The following FYB1 variants were observed in gnomAD, a reference collection of about 807,000 sequenced individuals.
FYB1 encodes FYN binding protein 1.
FYB1 carries 41 observed loss-of-function variants against 94.1 expected under a neutral mutation model. The ratio of observed to expected loss-of-function variants is 0.44; its 90% CI spans 0.34 to 0.57. FYB1 has a LOEUF of 0.57. Ranked by LOEUF, FYB1 falls within the 20% of genes least tolerant of loss-of-function variation. The pLI, the probability that FYB1 is intolerant of heterozygous loss-of-function variation, is 0.02. For synonymous variants in FYB1, 367 were observed against 353.2 expected, an observed-to-expected ratio of 1.04 and a Z score of -0.44; for missense variants, 1,050 against 976.8, an observed-to-expected ratio of 1.07 and a Z score of -1.00.
At chr5:39,174,940 G>T (rs1745580161) in intron 2 of FYB1, among the ~76,000 whole-genome samples, 1 of 152,198 alleles carries the variant, frequency 6.6e-6, no homozygotes, top group Non-Finnish European at 1.5e-5. Context: ...TTCTCCCATA[G>T]AGAAACCAGT....
intron 1 of FYB1, among the ~76,000 whole-genome samples, chr5:39,208,478 T>A (rs756883065): frequency 1.2e-4 from 19 of 152,232 alleles, no homozygotes; most frequent in Admixed American, 5.2e-4. Context: ...TTAGTTATGT[T>A]GAGATAAAGT....
intron 2 of FYB1, among the ~76,000 whole-genome samples, chr5:39,185,239 ACT>A (rs1192622514): frequency 6.6e-6 from 1 of 151,424 alleles, no homozygotes; most frequent in African/African-American, 2.4e-5. Flanking sequence ...CCATGTGCAC[ACT>A]CTTCATTGTT....
intron 1 of FYB1, among the ~76,000 whole-genome samples, chr5:39,234,490 C>T (rs1244220970): frequency 6.6e-6 from 1 of 152,138 alleles, no homozygotes; most frequent in African/African-American, 2.4e-5. Flanking sequence ...GTGGCAATTC[C>T]TCAAGGATCT....
At chr5:39,237,604 T>C (rs1751025601) in intron 1 of FYB1, among the ~76,000 whole-genome samples, 1 of 152,086 alleles carries the variant, frequency 6.6e-6, no homozygotes, top group African/African-American at 2.4e-5. Context: ...AGTGCCAGAC[T>C]GGATATAAGG....
chr5:39,175,604 C>T (rs980249048), intron 2 of FYB1, among the ~76,000 whole-genome samples: 11 of 152,136 alleles, frequency 7.2e-5, no homozygotes, highest in South Asian at 2.1e-4. Context: ...CCTTTTCATG[C>T]GGGTACATGC....
chr5:39,227,751 T>C (rs544449251), intron 1 of FYB1, among the ~76,000 whole-genome samples: 1 of 152,306 alleles, frequency 6.6e-6, no homozygotes, highest in East Asian at 1.9e-4. Context: ...CTGAATCCAG[T>C]AGGCCTTTGG....
intron 2 of FYB1, among the ~76,000 whole-genome samples, chr5:39,187,864 G>T (rs1746984734): frequency 6.6e-6 from 1 of 151,518 alleles, no homozygotes; most frequent in Admixed American, 6.6e-5. Context: ...TTAATGAATA[G>T]TAATTATATG....
intron 16 of FYB1, among the ~76,000 whole-genome samples, chr5:39,115,864 C>T (rs895634376): frequency 3.9e-5 from 6 of 152,168 alleles, no homozygotes; most frequent in African/African-American, 7.2e-5. Flanking sequence ...CCCTTACACC[C>T]GCATCCTTAC....
At chr5:39,205,305 T>G (rs1385693916) in intron 1 of FYB1, among the ~76,000 whole-genome samples, 1 of 152,204 alleles carries the variant, frequency 6.6e-6, no homozygotes. Flanking sequence ...CTATGTAACC[T>G]TGGACAAAAG....
intron 1 of FYB1, among the ~76,000 whole-genome samples, chr5:39,213,635 G>A (rs905441677): frequency 5.9e-5 from 9 of 152,122 alleles, no homozygotes; most frequent in African/African-American, 1.9e-4. Context: ...AAACAATTCC[G>A]TTTGTTTGAA....
In FYB1 at chr5:39,202,626, G is replaced by C. The variant is rs756769595; in HGVS notation, c.335C>G (p.Pro112Arg). ...DPEAKVGFLK[P>R]VGPKPINLPK... is the part of the protein sequence containing the mutation. ...CAAGTTGATGGGCTTGGGGCCTACAGGTTTCAGAAATCCCACTTTCGCCTC... is the reference window on the plus strand; with the variant it reads ...CAAGTTGATGGGCTTGGGGCCTACACGTTTCAGAAATCCCACTTTCGCCTC... The change falls in exon 2 of 19, where the codon CCT (proline) becomes CGT (arginine). Residue 112 changes from proline to arginine, a missense_variant. Transcript: ENST00000512982. The C allele has an allele frequency of 1.9e-6, 3 of 1,613,870 alleles. No homozygotes were observed. The highest frequency in any genetic ancestry group is 2.5e-6 in the Non-Finnish European group (3 of 1,179,880).
At chr5:39,194,296 G>A (rs1295406404) in intron 2 of FYB1, among the ~76,000 whole-genome samples, 1 of 152,166 alleles carries the variant, frequency 6.6e-6, no homozygotes, top group Non-Finnish European at 1.5e-5. Context: ...TGAGGCAGGA[G>A]GATTGTTTGA....
In FYB1 at chr5:39,108,279, A is replaced by AG; in HGVS notation, c.2436-18_2436-17insC. The AG allele has an allele frequency of 6.6e-7, 1 of 1,518,562 alleles. No homozygotes were observed. The highest frequency in any genetic ancestry group is 2.5e-5 in the East Asian group (1 of 40,374). 94.1% of individuals were successfully genotyped at this position (1,518,562 alleles called of 1,614,324 possible). ...TCTCCATCACTGTAAATGTAAAAAA[A>AG]AATTTTTATTTTAAAGAAACTATGT... is the stretch of plus-strand genomic sequence containing the variant. On this transcript the variant is annotated splice_polypyrimidine_tract_variant and intron_variant, in intron 17 of 18. Coordinates refer to ENST00000512982, the MANE Select transcript of FYB1 (RefSeq NM_001465.6).
Position 39,118,953 on chromosome 5 carries a change from C to G in FYB1, c.2322G>C (p.Gln774His). The change falls in exon 16 of 19, where the codon CAG (glutamine) becomes CAC (histidine). Residue 774 changes from glutamine to histidine, a missense_variant. Coordinates refer to ENST00000512982, the MANE Select transcript of FYB1 (RefSeq NM_001465.6). The part of the protein sequence containing the change: ...TSKKWGTRDL[Q>H]VKPGESLEVI... ...CTTCTAGAGATTCACCAGGTTTTAC[C>G]TGTAGATCTCTGGTTCCCCACTTTT... The G allele has an allele frequency of 6.4e-7, 1 of 1,570,234 alleles. No individual in the cohort carries two copies. The highest frequency in any genetic ancestry group is 1.7e-5 in the Admixed American group (1 of 57,538).
rs776134568 is a variant in FYB1, at chr5:39,202,750, CAGA to C, written c.208_210del (p.Ser70del). 2 of 1,613,912 alleles carry C rather than the reference CAGA, an allele frequency of 1.2e-6. No individual in the cohort carries two copies. Among genetic ancestry groups the C allele is most frequent in the South Asian group, 2.2e-5 (2 of 91,068 alleles). On this transcript the variant is annotated inframe_deletion, in exon 2 of 19. Coordinates refer to ENST00000512982, the MANE Select transcript of FYB1 (RefSeq NM_001465.6). ...TTGGGTTCCTTGTCAGGCTTTTCCT[CAGA>C]AGAAGGTTTGACTGCCACAGGTGGC...
intron 2 of FYB1, among the ~76,000 whole-genome samples, chr5:39,185,533 T>A (rs867204554): frequency 0.013 from 1,893 of 140,676 alleles, 37 homozygotes; most frequent in African/African-American, 0.039. Flanking sequence ...AAAATATATA[T>A]ATATATATGA....
chr5:39,148,120 C>T (rs1462165006), intron 3 of FYB1, among the ~76,000 whole-genome samples: 1 of 138,136 alleles, frequency 7.2e-6, no homozygotes, highest in Non-Finnish European at 1.5e-5. Flanking sequence ...TCCCTTTCTC[C>T]ACCCTTATCA....
At chr5:39,215,236 T>C (rs927104848) in intron 1 of FYB1, among the ~76,000 whole-genome samples, 2 of 152,094 alleles carry the variant, frequency 1.3e-5, no homozygotes, top group African/African-American at 4.8e-5. Flanking sequence ...TTAAAAAAGG[T>C]GTTTGAAGAA....
chr5:39,195,744 C>T (rs1003695773), intron 2 of FYB1, among the ~76,000 whole-genome samples: 4 of 152,166 alleles, frequency 2.6e-5, no homozygotes, highest in African/African-American at 7.2e-5. Context: ...CTAAATCATA[C>T]ATGCAAACCA....
Sources: gnomAD v4.1 joint callset for allele counts (sites outside exome capture counted in the v4.1 genomes callset) on GRCh38, gnomAD v4.1.1 for gene constraint, MANE v1.5 for transcripts, NCBI Gene and HGNC (gene_info 2026-07-23, HGNC 2026-07-21) for gene names.